PAQR3: variants seen among roughly 807,000 people sequenced by gnomAD.
PAQR3 encodes Raf kinase trapping to Golgi.
In PAQR3, 39 loss-of-function variants were observed where a neutral mutation model predicts 41.7. The ratio of observed to expected loss-of-function variants is 0.93; its 90% CI spans 0.72 to 1.22. The LOEUF (loss-of-function observed/expected upper bound fraction) is 1.22, where lower values mean the gene tolerates loss of function less well. Ranked by LOEUF, PAQR3 falls within the 50% of genes most tolerant of loss-of-function variation. PAQR3 has a pLI of 0.00. For missense variants in PAQR3, 366 were observed against 385.6 expected, an observed-to-expected ratio of 0.95 and a Z score of 0.42; for synonymous variants, 140 against 140.6, an observed-to-expected ratio of 1.00 and a Z score of 0.03.
In PAQR3 at chr4:78,912,897, CTT is replaced by C. The variant is rs1275434251; in HGVS notation, c.*7640_*7641del. On this transcript the variant is annotated 3_prime_UTR_variant, in exon 6 of 6. Transcript: ENST00000512733. ...GAAAACATTCACTACTTTAGAAACACTTTATGCATGGCTTCTTGCCCCAAACT... is the reference window on the plus strand; with the variant it reads ...GAAAACATTCACTACTTTAGAAACACTATGCATGGCTTCTTGCCCCAAACT... 6.6e-6 allele frequency: 1 copy of C among 152,130 alleles called. No individual in the cohort carries two copies. The highest frequency in any genetic ancestry group is 2.4e-5 in the African/African-American group (1 of 41,416). 9.4% of individuals were successfully genotyped at this position (152,130 alleles called of 1,614,324 possible). A position where few individuals can be genotyped will look rare whatever the true frequency, so the allele number is the denominator to read the frequency against.
chr4:78,938,961 G>A, intron 1 of PAQR3, 79 bp downstream of exon 1: 5 of 1,365,520 alleles, frequency 3.7e-6, no homozygotes, highest in Non-Finnish European at 5.0e-6. Context: ...AGAAAGGCGG[G>A]GAAAGCAGAA....
chr4:78,890,328 T>C (rs1440527911), intron 11 of PAQR3, among the ~76,000 whole-genome samples: 1 of 152,128 alleles, frequency 6.6e-6, no homozygotes, highest in Non-Finnish European at 1.5e-5. Context: ...CTATGGACTT[T>C]CTATTATGGA....
At chr4:78,897,605 G>T (rs1322882082) in intron 11 of PAQR3, among the ~76,000 whole-genome samples, 1 of 152,146 alleles carries the variant, frequency 6.6e-6, no homozygotes, top group Non-Finnish European at 1.5e-5. Context: ...CATAGTGTAT[G>T]TAAAACTTTT....
rs1349895259 is a variant in PAQR3 at position 78,914,953 on chromosome 4, A to G, written c.*5586T>C. On this transcript the variant is annotated 3_prime_UTR_variant, in exon 6 of 6. Coordinates refer to ENST00000512733, the MANE Select transcript of PAQR3 (RefSeq NM_001040202.2). ...AAAAGTGGACCATTTGCTTATTTTA[A>G]TATCACGTCAGTAAAATGTTAGTAT... 1 of 151,972 alleles carries G rather than the reference A, an allele frequency of 6.6e-6. No homozygotes were observed. The highest frequency in any genetic ancestry group is 2.4e-5 in the African/African-American group (1 of 41,404). 9.4% of individuals were successfully genotyped at this position (151,972 alleles called of 1,614,324 possible).
At chr4:78,895,484 T>A (rs1733653719) in intron 11 of PAQR3, among the ~76,000 whole-genome samples, 1 of 152,192 alleles carries the variant, frequency 6.6e-6, no homozygotes, top group Admixed American at 6.5e-5. Flanking sequence ...GATAAATTTT[T>A]AAAAAATACT....
rs554988105 is a variant in PAQR3, at chr4:78,924,612, A to G, written c.703-665T>C. On this transcript the variant is annotated intron_variant, in intron 4 of 5. Transcript: ENST00000512733. ...AGTTCAAAACTAGCCTGAGCAACACAGTAAGACCCCTCTCTCTACAATTAT... is the reference window on the plus strand; with the variant it reads ...AGTTCAAAACTAGCCTGAGCAACACGGTAAGACCCCTCTCTCTACAATTAT... 2.4e-3 allele frequency among the ~76,000 whole-genome samples: 370 copies of G among 152,186 alleles called. 4 individuals carry two copies. Among genetic ancestry groups the G allele is most frequent in the Non-Finnish European group, 3.4e-3 (228 of 67,980 alleles).
In PAQR3 at chr4:78,926,505, A is replaced by G. The variant is rs201575146; in HGVS notation, c.702+16T>C. ...GAAAAAAAAAAAGAGAAAAATATTAACTACACTCAACCTACCTGTACAATA... is the reference window on the plus strand; with the variant it reads ...GAAAAAAAAAAAGAGAAAAATATTAGCTACACTCAACCTACCTGTACAATA... On this transcript the variant is annotated intron_variant, in intron 4 of 5. Coordinates refer to ENST00000512733, the MANE Select transcript of PAQR3 (RefSeq NM_001040202.2). 118 of 1,589,018 alleles carry G rather than the reference A, an allele frequency of 7.4e-5. 1 individual carries two copies. In the African/African-American group the frequency reaches 1.4e-3, roughly 20 times the overall value.
downstream of PAQR3, chr4:78,911,703 G>A: frequency 1.2e-6 from 2 of 1,613,916 alleles, no homozygotes; most frequent in Admixed American, 1.7e-5. Context: ...TGACTGATGG[G>A]AAAGATAGGG....
intron 5 of PAQR3, chr4:78,922,487 TCTCC>T: frequency 8.2e-7 from 1 of 1,212,126 alleles, no homozygotes; most frequent in Admixed American, 2.3e-5. Context: ...GACTCATAGC[TCTCC>T]AAACTGAAAA....
chr4:78,920,238 T>C lies in PAQR3; in HGVS notation c.*301A>G, dbSNP rs1004621833. The C allele has an allele frequency of 3.8e-6, 4 of 1,045,758 alleles. No homozygotes were observed. The highest frequency in any genetic ancestry group is 4.6e-6 in the Non-Finnish European group (4 of 869,844). 64.8% of individuals were successfully genotyped at this position (1,045,758 alleles called of 1,614,324 possible). ...CTTCCTAAGGAAATTAAGCTGGTGC[T>C]AAGTAAAATGAATCCTATTTCAACA... On this transcript the variant is annotated 3_prime_UTR_variant, in exon 6 of 6. Coordinates refer to ENST00000512733, the MANE Select transcript of PAQR3 (RefSeq NM_001040202.2).
chr4:78,888,875 C>T (rs1452707652), intron 11 of PAQR3, among the ~76,000 whole-genome samples: 1 of 152,136 alleles, frequency 6.6e-6, no homozygotes, highest in African/African-American at 2.4e-5. Context: ...AAAATCATGA[C>T]TATCTATAAA....
chr4:78,939,291 C>T lies in PAQR3; in HGVS notation c.-67G>A. 1 of 1,449,048 alleles carries T rather than the reference C, an allele frequency of 6.9e-7. No homozygotes were observed. Among genetic ancestry groups the T allele is most frequent in the Non-Finnish European group, 9.2e-7 (1 of 1,091,398 alleles). 89.8% of individuals were successfully genotyped at this position (1,449,048 alleles called of 1,614,324 possible). On this transcript the variant is annotated 5_prime_UTR_variant, in exon 1 of 6. Coordinates refer to ENST00000512733, the MANE Select transcript of PAQR3 (RefSeq NM_001040202.2). ...AGGTCCCGCCTCCCCGGGGAGGGGG[C>T]TTCGCCGCTGGCGCCCCCGCCCCGG...
In PAQR3 at chr4:78,915,134, C is replaced by G. The variant is rs1313993977; in HGVS notation, c.*5405G>C. 1.3e-5 allele frequency: 2 copies of G among 151,914 alleles called. No homozygotes were observed. The highest frequency in any genetic ancestry group is 2.9e-5 in the Non-Finnish European group (2 of 67,898). The allele number at this position is 151,914 out of a possible 1,614,324, so 9.4% of individuals were successfully genotyped here. Reference sequence around the variant, plus strand: ...CAGGAGTGTAATTATTTTCCCTTACCCCAATCCCTGTGTACGTGTTGGGTA... The same window carrying G: ...CAGGAGTGTAATTATTTTCCCTTACGCCAATCCCTGTGTACGTGTTGGGTA... On this transcript the variant is annotated 3_prime_UTR_variant, in exon 6 of 6. Coordinates refer to ENST00000512733, the MANE Select transcript of PAQR3 (RefSeq NM_001040202.2).
At chr4:78,908,997 T>C (rs1372469750), downstream of PAQR3, among the ~76,000 whole-genome samples, 2 of 135,212 alleles carry the variant, frequency 1.5e-5, no homozygotes, top group Non-Finnish European at 3.0e-5. Flanking sequence ...CCAAAATCTC[T>C]AACTTGCATT....
Position 78,915,109 on chromosome 4 carries a change from C to T in PAQR3, c.*5430G>A, listed in dbSNP as rs976730999. ...AATTTAACTGACTAGAACATTTATT[C>T]AGGAGTGTAATTATTTTCCCTTACC... On this transcript the variant is annotated 3_prime_UTR_variant, in exon 6 of 6. Coordinates refer to ENST00000512733, the MANE Select transcript of PAQR3 (RefSeq NM_001040202.2). The T allele has an allele frequency of 3.3e-5, 5 of 151,922 alleles. No individual in the cohort carries two copies. The highest frequency in any genetic ancestry group is 9.7e-5 in the African/African-American group (4 of 41,396). 9.4% of individuals were successfully genotyped at this position (151,922 alleles called of 1,614,324 possible).
rs1169649247 is a variant in PAQR3, at chr4:78,930,242, A to G, written c.432T>C (p.Asp144=). 1 of 1,613,858 alleles carries G rather than the reference A, an allele frequency of 6.2e-7. No individual in the cohort carries two copies. Among genetic ancestry groups the G allele is most frequent in the Admixed American group, 1.7e-5 (1 of 59,994 alleles). The change falls in exon 3 of 6, where the codon GAT becomes GAC. Residue 144 remains aspartate, a synonymous_variant. Transcript: ENST00000512733. ...GTATTCCAATAGAAATTCCTGCATA[A>G]TCTAATGCCATCCATCTTCGACATG... The part of the protein sequence containing the change: ...EKTCRRWMAL[D]YAGISIGILG...
intron 11 of PAQR3, among the ~76,000 whole-genome samples, chr4:78,900,407 A>G (rs1447487172): frequency 6.6e-6 from 1 of 152,206 alleles, no homozygotes; most frequent in Non-Finnish European, 1.5e-5. Flanking sequence ...GCTCAACTGT[A>G]TATAGAAAGA....
At chr4:78,887,328 A>G in intron 12 of PAQR3, 1 of 1,338,774 alleles carries the variant, frequency 7.5e-7, no homozygotes, top group Non-Finnish European at 1.1e-6. Flanking sequence ...AATAAAACAC[A>G]CAAGAACAAC....
chr4:78,926,021 T>C (rs1043277022), intron 4 of PAQR3, among the ~76,000 whole-genome samples: 1 of 152,200 alleles, frequency 6.6e-6, no homozygotes, highest in South Asian at 2.1e-4. Context: ...CAAATCTTTA[T>C]TGCCAGTCTC....
Sources: allele counts gnomAD v4.1 joint callset (sites outside exome capture counted in the v4.1 genomes callset), GRCh38; gene constraint gnomAD v4.1.1; transcripts MANE v1.5; gene names NCBI Gene and HGNC (gene_info 2026-07-23, HGNC 2026-07-21).